The following GPALPP1 variants were observed in gnomAD, a reference collection of about 807,000 sequenced individuals.
The protein encoded by GPALPP1 is GPALPP motifs containing 1.
GPALPP1 carries 30 observed loss-of-function variants against 38.9 expected under a neutral mutation model. The observed-to-expected ratio is 0.77, with a 90% CI of 0.58 to 1.05. The LOEUF (loss-of-function observed/expected upper bound fraction) is 1.05. GPALPP1 is among the 50% of genes least tolerant of loss of function. The probability of loss-of-function intolerance (pLI) is 0.00; values close to 1 mark genes in which losing one functional copy is unlikely to be tolerated. For missense variants in GPALPP1, 384 were observed against 408.8 expected, an observed-to-expected ratio of 0.94 and a Z score of 0.52; for synonymous variants, 120 against 139.2, an observed-to-expected ratio of 0.86 and a Z score of 0.97.
In GPALPP1 at chr13:45,005,990, C is replaced by T. The variant is rs186103452; in HGVS notation, c.222-212C>T. ...CCAGTGAGCCAACATCACGCCACTGCACTCCAGCCTGGGCAACAAGGCAAG... is the reference window on the plus strand; with the variant it reads ...CCAGTGAGCCAACATCACGCCACTGTACTCCAGCCTGGGCAACAAGGCAAG... On this transcript the variant is annotated intron_variant, in intron 2 of 7. Transcript: ENST00000379151. Among the ~76,000 whole-genome samples, 24 of 151,504 alleles carry T rather than the reference C, an allele frequency of 1.6e-4. 1 individual carries two copies. Among genetic ancestry groups the T allele is most frequent in the Admixed American group, 1.4e-3 (21 of 15,214 alleles).
intron 2 of GPALPP1, among the ~76,000 whole-genome samples, chr13:45,005,451 G>C (rs1159265337): frequency 2.6e-5 from 4 of 152,044 alleles, no homozygotes; most frequent in Non-Finnish European, 5.9e-5. Context: ...ATGTAAATGA[G>C]AAGTCAAATC....
At chr13:45,010,178 C>G (rs994277334) in intron 4 of GPALPP1, among the ~76,000 whole-genome samples, 1 of 152,222 alleles carries the variant, frequency 6.6e-6, no homozygotes, top group Admixed American at 6.5e-5. Context: ...TGTTCCTCCT[C>G]AAATACAGCA....
In GPALPP1 at chr13:45,029,879, G is replaced by GTT. The variant is rs1876103876; in HGVS notation, c.*1877_*1878dup. The stretch of plus-strand genomic sequence containing the variant: ...TATTTTGCTTTTTCCAACTTTAATA[G>GTT]TTAGTATTTCTAGGGGAGGCAATCA... On this transcript the variant is annotated 3_prime_UTR_variant, in exon 8 of 8. Coordinates refer to ENST00000379151, the MANE Select transcript of GPALPP1 (RefSeq NM_018559.5). 6.6e-6 allele frequency: 1 copy of GTT among 152,106 alleles called. No homozygotes were observed. Among genetic ancestry groups the GTT allele is most frequent in the Admixed American group, 6.6e-5 (1 of 15,266 alleles). 9.4% of individuals were successfully genotyped at this position (152,106 alleles called of 1,614,324 possible).
intron 1 of GPALPP1, among the ~76,000 whole-genome samples, chr13:44,992,710 C>T (rs1257502852): frequency 1.3e-5 from 2 of 152,130 alleles, no homozygotes; most frequent in Non-Finnish European, 2.9e-5. Context: ...TTGAACAGAC[C>T]ATCCTTTCAC....
At chr13:45,023,797 A>G (rs899631664) in intron 7 of GPALPP1, among the ~76,000 whole-genome samples, 1 of 152,210 alleles carries the variant, frequency 6.6e-6, no homozygotes, top group Non-Finnish European at 1.5e-5. Flanking sequence ...GGAGAAATGG[A>G]GCTAAAAGAT....
intron 1 of GPALPP1, chr13:45,001,695 T>G (rs1393000621): frequency 6.6e-6 from 1 of 152,284 alleles, no homozygotes; most frequent in African/African-American, 2.4e-5. Context: ...TTTCTTTCTT[T>G]TTTTTAGATG....
chr13:45,020,329 G>A lies in GPALPP1; in HGVS notation c.706-1G>A. The stretch of plus-strand genomic sequence containing the variant: ...ATGTGTTATCTGTGTTCATTCCTCA[G>A]GAAACACAAGAAGCAAGGAAGTCAT... On this transcript the variant is annotated splice_acceptor_variant, in intron 6 of 7. Coordinates refer to ENST00000379151, the MANE Select transcript of GPALPP1 (RefSeq NM_018559.5). LOFTEE classifies it high-confidence loss of function. The A allele has an allele frequency of 7.7e-7, 1 of 1,293,986 alleles. No individual in the cohort carries two copies. The highest frequency in any genetic ancestry group is 1.2e-5 in the South Asian group (1 of 83,736). The allele number at this position is 1,293,986 out of a possible 1,614,324, so 80.2% of individuals were successfully genotyped here.
At chr13:45,019,149 G>GTA (rs1031895499) in intron 6 of GPALPP1, among the ~76,000 whole-genome samples, 19 of 134,888 alleles carry the variant, frequency 1.4e-4, no homozygotes, top group Admixed American at 1.2e-3. Flanking sequence ...TTATATATAT[G>GTA]TATATATATA....
chr13:45,013,338 G>C (rs978568129), intron 4 of GPALPP1, among the ~76,000 whole-genome samples: 11 of 152,164 alleles, frequency 7.2e-5, no homozygotes, highest in African/African-American at 2.7e-4. Context: ...CTTATAAGCA[G>C]CTGGCAGTGT....
intron 3 of GPALPP1, among the ~76,000 whole-genome samples, chr13:45,007,064 G>A (rs149946095): frequency 2.0e-4 from 31 of 151,908 alleles, no homozygotes; most frequent in African/African-American, 6.8e-4. Context: ...ATTAACTTTA[G>A]TTGTTTCAGA....
rs766333684 is a variant in GPALPP1 at position 44,989,749 on chromosome 13, G to T, written c.88+7G>T. 6.2e-7 allele frequency: 1 copy of T among 1,602,514 alleles called. No homozygotes were observed. The highest frequency in any genetic ancestry group is 1.1e-5 in the South Asian group (1 of 90,924). The stretch of plus-strand genomic sequence containing the variant: ...GAGCGGGACCCGAGCCCTGGTAAGC[G>T]GCGGCGTCTCCGCTGCCCACCAGGC... On this transcript the variant is annotated splice_region_variant and intron_variant, in intron 1 of 7. Coordinates refer to ENST00000379151, the MANE Select transcript of GPALPP1 (RefSeq NM_018559.5).
chr13:44,991,619 T>C (rs1872814585), intron 1 of GPALPP1, among the ~76,000 whole-genome samples: 1 of 152,184 alleles, frequency 6.6e-6, no homozygotes, highest in South Asian at 2.1e-4. Flanking sequence ...CAAAAAATCT[T>C]CATATATCAT....
At chr13:44,993,676 C>T (rs530292878) in intron 1 of GPALPP1, among the ~76,000 whole-genome samples, 3 of 148,108 alleles carry the variant, frequency 2.0e-5, no homozygotes, top group Admixed American at 6.7e-5. Context: ...ATCGAGACTC[C>T]GTCTCAAAAA....
At chr13:45,019,970 T>C (rs921147509) in intron 6 of GPALPP1, among the ~76,000 whole-genome samples, 1 of 143,750 alleles carries the variant, frequency 7.0e-6, no homozygotes, top group African/African-American at 2.6e-5. Flanking sequence ...CTGCAACCTC[T>C]GCCTCCCAGA....
chr13:44,990,603 G>A (rs1488688319), intron 1 of GPALPP1, among the ~76,000 whole-genome samples: 1 of 152,068 alleles, frequency 6.6e-6, no homozygotes, highest in African/African-American at 2.4e-5. Context: ...CTCGGATTCC[G>A]GCATGCATAC....
Position 44,989,581 on chromosome 13 carries a change from T to G in GPALPP1, c.-74T>G, listed in dbSNP as rs1004884351. 6.7e-7 allele frequency: 1 copy of G among 1,499,220 alleles called. No homozygotes were observed. Among genetic ancestry groups the G allele is most frequent in the Non-Finnish European group, 9.2e-7 (1 of 1,081,714 alleles). The allele number at this position is 1,499,220 out of a possible 1,614,324, so 92.9% of individuals were successfully genotyped here. A position where few individuals can be genotyped will look rare whatever the true frequency, so the allele number is the denominator to read the frequency against. On this transcript the variant is annotated 5_prime_UTR_variant, in exon 1 of 8. Transcript: ENST00000379151. ...GAAACCTGCCATTCTTCGCTGCTGA[T>G]CGCGGGATTCTTTTTGGATAGGGTT...
intron 1 of GPALPP1, among the ~76,000 whole-genome samples, chr13:45,004,043 A>G (rs1873891349): frequency 6.6e-6 from 1 of 152,008 alleles, no homozygotes; most frequent in African/African-American, 2.4e-5. Flanking sequence ...TGCTATATCT[A>G]TAAGTTCGGG....
intron 1 of GPALPP1, among the ~76,000 whole-genome samples, chr13:44,992,527 A>AG (rs1192395530): frequency 6.6e-6 from 1 of 152,034 alleles, no homozygotes; most frequent in African/African-American, 2.4e-5. Flanking sequence ...ATCCTATTTA[A>AG]GCTATCTTTG....
chr13:45,031,204 GA>G (rs1412971769), downstream of GPALPP1: 1 of 152,100 alleles, frequency 6.6e-6, no homozygotes, highest in Non-Finnish European at 1.5e-5. Flanking sequence ...TAAGCAAATT[GA>G]AAAAGCTTCT....
Sources: allele counts gnomAD v4.1 joint callset (sites outside exome capture counted in the v4.1 genomes callset), GRCh38; gene constraint gnomAD v4.1.1; transcripts MANE v1.5; gene names NCBI Gene and HGNC (gene_info 2026-07-23, HGNC 2026-07-21).